The following ARL10 variants were observed in gnomAD, a reference collection of about 807,000 sequenced individuals.
ARL10 encodes ADP-ribosylation factor-like protein 10.
In ARL10, 23 loss-of-function variants were observed where a neutral mutation model predicts 26.1. The observed-to-expected ratio is 0.88, with a 90% CI of 0.63 to 1.25. The LOEUF is 1.25. Ranked by LOEUF, ARL10 falls within the 50% of genes most tolerant of loss-of-function variation. The probability of loss-of-function intolerance (pLI) is 0.00; values close to 1 mark genes in which losing one functional copy is unlikely to be tolerated. For synonymous variants in ARL10, 138 were observed against 149.1 expected (o/e 0.93, Z 0.54); for missense variants, 300 against 323.6 (o/e 0.93, Z 0.56).
At chr5:176,389,521 T>G, downstream of ARL10, 1 of 1,590,510 alleles carries the variant, frequency 6.3e-7, no homozygotes. Context: ...CCTTGAAAGC[T>G]CCGCAGAAAT....
intron 1 of ARL10, chr5:176,398,121 C>T (rs1452270659): frequency 7.4e-7 from 1 of 1,358,166 alleles, no homozygotes; most frequent in African/African-American, 1.4e-5. Context: ...CTGCTGGGGA[C>T]CCACTCATGT....
chr5:176,408,102 A>T, the ARL10 span, among the ~76,000 whole-genome samples: 1 of 152,072 alleles, frequency 6.6e-6, no homozygotes, highest in East Asian at 1.9e-4. Flanking sequence ...GGACTATTGC[A>T]TGCCTCTGTG....
intron 1 of ARL10, chr5:176,397,916 A>T: frequency 6.2e-7 from 1 of 1,610,538 alleles, no homozygotes; most frequent in South Asian, 1.1e-5. Flanking sequence ...ACCCCGCCTC[A>T]GCCCCGCCCT....
downstream of ARL10, among the ~76,000 whole-genome samples, chr5:176,382,272 C>T (rs1399793043): frequency 6.6e-6 from 1 of 152,220 alleles, no homozygotes; most frequent in African/African-American, 2.4e-5. Context: ...GTCCAGTTAC[C>T]TGGAGCTGCT....
chr5:176,410,722 C>T, the ARL10 span, among the ~76,000 whole-genome samples: 1 of 151,380 alleles, frequency 6.6e-6, no homozygotes, highest in East Asian at 1.9e-4. Context: ...AAGCTCAGGG[C>T]AGGGGCTACA....
chr5:176,385,000 C>T (rs1013537139), downstream of ARL10: 14 of 577,996 alleles, frequency 2.4e-5, no homozygotes, highest in Non-Finnish European at 3.7e-5. Flanking sequence ...GCGAGCAAAA[C>T]ATTTATCTGT....
downstream of ARL10, chr5:176,384,091 C>T (rs201428485): frequency 1.2e-5 from 19 of 1,602,200 alleles, no homozygotes; most frequent in Admixed American, 6.7e-5. Flanking sequence ...GGAGTGTGCA[C>T]GTGTGTGTGT....
chr5:176,414,562 G>A, the ARL10 span, among the ~76,000 whole-genome samples: 2,367 of 151,468 alleles, frequency 0.016, 40 homozygotes, highest in East Asian at 0.079. Context: ...CAGCCTTCCC[G>A]AGCAGCTGGA....
rs560663483 is a variant in ARL10 at position 176,376,085 on chromosome 5, G to A, written c.*4190G>A. Reference sequence around the variant, plus strand: ...TTTAGAATATCAAGGTTAGCTGCTGGATGCGGTGGCTCACGCCTGTAATCC... The same window carrying A: ...TTTAGAATATCAAGGTTAGCTGCTGAATGCGGTGGCTCACGCCTGTAATCC... On this transcript the variant is annotated 3_prime_UTR_variant, in exon 4 of 4. Coordinates refer to ENST00000310389, the MANE Select transcript of ARL10 (RefSeq NM_173664.6). 3 of 152,218 alleles carry A rather than the reference G, an allele frequency of 2.0e-5. No individual in the cohort carries two copies. Among genetic ancestry groups the A allele is most frequent in the Admixed American group, 6.5e-5 (1 of 15,292 alleles). The allele number at this position is 152,218 out of a possible 1,614,324, so 9.4% of individuals were successfully genotyped here.
chr5:176,406,538 T>C, downstream of ARL10: 1 of 1,269,458 alleles, frequency 7.9e-7, no homozygotes, highest in African/African-American at 1.5e-5. Context: ...GATGGGAGTA[T>C]TAGGGGAAAG....
downstream of ARL10, chr5:176,406,129 G>A: frequency 2.0e-6 from 2 of 985,820 alleles, no homozygotes; most frequent in Non-Finnish European, 2.4e-6. Flanking sequence ...CAGTGTCACG[G>A]GCCACAACTG....
At position 176,371,970 on chromosome 5, in the gene ARL10, C is replaced by A; in HGVS notation, c.*75C>A. The A allele has an allele frequency of 1.3e-6, 2 of 1,539,750 alleles. No individual in the cohort carries two copies. Among genetic ancestry groups the A allele is most frequent in the East Asian group, 4.8e-5 (2 of 42,032 alleles). ...GCTGCTGCTTCATTGCCAGACTGGG[C>A]CTGGGGCAAGAGCCACATGGCAGCA... On this transcript the variant is annotated 3_prime_UTR_variant, in exon 4 of 4. Coordinates refer to ENST00000310389, the MANE Select transcript of ARL10 (RefSeq NM_173664.6).
At chr5:176,404,015 A>G (rs1045715014), downstream of ARL10, among the ~76,000 whole-genome samples, 4 of 152,150 alleles carry the variant, frequency 2.6e-5, no homozygotes, top group African/African-American at 4.8e-5. Flanking sequence ...TCAGCCTCCC[A>G]AAGTGCTGGG....
chr5:176,391,437 C>T (rs1191190278), downstream of ARL10, among the ~76,000 whole-genome samples: 1 of 152,108 alleles, frequency 6.6e-6, no homozygotes, highest in Non-Finnish European at 1.5e-5. Flanking sequence ...CATGGCAAAG[C>T]CCCGTCTCTA....
chr5:176,389,076 A>C (rs1443633467), downstream of ARL10: 5 of 1,446,340 alleles, frequency 3.5e-6, no homozygotes, highest in Non-Finnish European at 3.8e-6. Flanking sequence ...AGGAGAGCGG[A>C]CTAGAGAAGA....
downstream of ARL10, among the ~76,000 whole-genome samples, chr5:176,383,779 T>TG (rs1240074285): frequency 6.6e-6 from 1 of 152,094 alleles, no homozygotes; most frequent in Non-Finnish European, 1.5e-5. Context: ...GTGCGGGAAA[T>TG]GGGCAGAGAG....
At chr5:176,414,577 C>T in the ARL10 span, among the ~76,000 whole-genome samples, 1 of 152,048 alleles carries the variant, frequency 6.6e-6, no homozygotes, top group African/African-American at 2.4e-5. Context: ...GCTGGAACTA[C>T]AACTACAGCT....
chr5:176,389,585 C>T, downstream of ARL10: 1 of 1,403,782 alleles, frequency 7.1e-7, no homozygotes, highest in South Asian at 1.4e-5. Flanking sequence ...TTACTCCCTC[C>T]TCTCCTTTGA....
chr5:176,384,275 C>T (rs750939447), downstream of ARL10: 15 of 1,614,118 alleles, frequency 9.3e-6, no homozygotes, highest in Non-Finnish European at 1.2e-5. Flanking sequence ...TCGAGGAAGT[C>T]TTGCCACTCT....
Sources: allele counts gnomAD v4.1 joint callset (sites outside exome capture counted in the v4.1 genomes callset), GRCh38; gene constraint gnomAD v4.1.1; transcripts MANE v1.5; gene names NCBI Gene and HGNC (gene_info 2026-07-23, HGNC 2026-07-21).